Variants in COL5A2 observed in about 807,000 individuals in gnomAD.
The protein encoded by COL5A2 is collagen type V alpha 2 chain.
COL5A2 carries 23 observed loss-of-function variants against 208.2 expected under a neutral mutation model. That is an observed-to-expected ratio of 0.11 (90% confidence interval 0.08 to 0.16). COL5A2 has a LOEUF of 0.16. Among genes scored for constraint, COL5A2 ranks in the 10% least tolerant of loss-of-function variants. The pLI is 1.00. For synonymous variants in COL5A2, 625 were observed against 628.5 expected, an observed-to-expected ratio of 0.99 and a Z score of 0.08; for missense variants, 1,590 against 1,956.4, an observed-to-expected ratio of 0.81 and a Z score of 3.53.
intron 18 of COL5A2, among the ~76,000 whole-genome samples, chr2:189,070,277 AT>A (rs1352248352): frequency 1.3e-5 from 2 of 152,186 alleles, no homozygotes; most frequent in Non-Finnish European, 2.9e-5. Flanking sequence ...GAAAACTAAA[AT>A]TCTAAGCCTT....
At chr2:189,057,552 T>C in intron 33 of COL5A2, 125 bp from the exon 34 acceptor site, 2 of 724,550 alleles carry the variant, frequency 2.8e-6, no homozygotes, top group Admixed American at 2.2e-5. Flanking sequence ...GCTTATATTT[T>C]TCATCTGAGA....
At chr2:189,157,133 T>TATAGATATATATAGATATATCG (rs1248443342) in intron 1 of COL5A2, among the ~76,000 whole-genome samples, 2 of 82,840 alleles carry the variant, frequency 2.4e-5, no homozygotes, top group African/African-American at 3.7e-5. Flanking sequence ...TCTATCTATA[T>TATAGATATATATAGATATATCG]ATATATCTAT....
intron 1 of COL5A2, among the ~76,000 whole-genome samples, chr2:189,114,641 A>G (rs954077679): frequency 6.6e-6 from 1 of 151,218 alleles, no homozygotes; most frequent in African/African-American, 2.4e-5. Context: ...TAAAAAAAAA[A>G]AAAAAAAATG....
At chr2:189,047,220 T>A (rs1175455069) in intron 45 of COL5A2, among the ~76,000 whole-genome samples, 1 of 152,216 alleles carries the variant, frequency 6.6e-6, no homozygotes, top group Non-Finnish European at 1.5e-5. Context: ...AAAAGGGCGA[T>A]GGCAACTTAA....
intron 1 of COL5A2, among the ~76,000 whole-genome samples, chr2:189,221,452 T>C (rs540330167): frequency 5.9e-5 from 9 of 152,266 alleles, no homozygotes; most frequent in African/African-American, 2.2e-4. Flanking sequence ...ATTAAGGTCT[T>C]ATCATTCACT....
chr2:189,043,096 G>T, intron 48 of COL5A2, 55 bp downstream of exon 48: 1 of 1,258,926 alleles, frequency 7.9e-7, no homozygotes, highest in Non-Finnish European at 1.2e-6. Flanking sequence ...TTCGTGTCAA[G>T]ATACCCGTGT....
In COL5A2 at chr2:189,075,985, CT is replaced by C. The variant is rs986968026; in HGVS notation, c.1060-549del. Reference sequence around the variant, plus strand: ...GAATTAGCTCTCTCAAGACTGTGCTCTTTCCTTGGTCAATGCAGGGATACAA... The same window carrying C: ...GAATTAGCTCTCTCAAGACTGTGCTCTTCCTTGGTCAATGCAGGGATACAA... On this transcript the variant is annotated intron_variant, in intron 16 of 53. Transcript: ENST00000374866. Among the ~76,000 whole-genome samples the C allele has an allele frequency of 4.6e-5, 7 of 152,232 alleles. No homozygotes were observed. The East Asian group carries it at 5.8e-4, about 13-fold the overall frequency.
intron 1 of COL5A2, among the ~76,000 whole-genome samples, chr2:189,167,027 G>A (rs939931589): frequency 2.0e-5 from 3 of 152,164 alleles, no homozygotes; most frequent in Non-Finnish European, 4.4e-5. Flanking sequence ...CACTGGAAAG[G>A]CAAGGATGGC....
chr2:189,426,162 T>C, the COL5A2 span, among the ~76,000 whole-genome samples: 9 of 152,180 alleles, frequency 5.9e-5, no homozygotes, highest in Admixed American at 5.9e-4. Context: ...TGGAACTTCC[T>C]AGAGACTTGA....
intron 1 of COL5A2, among the ~76,000 whole-genome samples, chr2:189,216,085 GT>G (rs1689274842): frequency 6.6e-6 from 1 of 152,040 alleles, no homozygotes; most frequent in Admixed American, 6.6e-5. Context: ...TAAAATAGTG[GT>G]TTCAATTATG....
the COL5A2 span, among the ~76,000 whole-genome samples, chr2:189,407,513 G>A: frequency 6.6e-6 from 1 of 152,040 alleles, no homozygotes; most frequent in African/African-American, 2.4e-5. Flanking sequence ...ACATTATTTG[G>A]CTTTGTTTTA....
the COL5A2 span, among the ~76,000 whole-genome samples, chr2:189,321,401 T>C: frequency 6.6e-6 from 1 of 152,206 alleles, no homozygotes; most frequent in Non-Finnish European, 1.5e-5. Flanking sequence ...GACCCATCAG[T>C]GTGCTGTATT....
chr2:189,363,580 T>C, the COL5A2 span, among the ~76,000 whole-genome samples: 1 of 152,158 alleles, frequency 6.6e-6, no homozygotes, highest in African/African-American at 2.4e-5. Context: ...TTCAACATTA[T>C]TACTTACGGA....
chr2:189,176,057 C>G (rs1405729352), intron 1 of COL5A2, among the ~76,000 whole-genome samples: 1 of 152,102 alleles, frequency 6.6e-6, no homozygotes, highest in Non-Finnish European at 1.5e-5. Flanking sequence ...CCAAATACTA[C>G]TGAGTGTTAA....
the COL5A2 span, among the ~76,000 whole-genome samples, chr2:189,421,427 T>C: frequency 0.026 from 3,957 of 152,202 alleles, 79 homozygotes; most frequent in Non-Finnish European, 0.043. Flanking sequence ...ATAATAATAA[T>C]AAGAAAAGAC....
chr2:189,191,307 G>T (rs540821428), intron 1 of COL5A2, among the ~76,000 whole-genome samples: 22 of 152,140 alleles, frequency 1.4e-4, no homozygotes, highest in African/African-American at 5.1e-4. Context: ...TGAATTTACA[G>T]TAAAGGAGGT....
At chr2:189,370,403 CTCA>C in the COL5A2 span, among the ~76,000 whole-genome samples, 1 of 152,032 alleles carries the variant, frequency 6.6e-6, no homozygotes, top group Non-Finnish European at 1.5e-5. Context: ...TATTTCTCTC[CTCA>C]TCATCACATT....
chr2:189,289,544 C>A, the COL5A2 span, among the ~76,000 whole-genome samples: 1 of 151,768 alleles, frequency 6.6e-6, no homozygotes, highest in South Asian at 2.1e-4. Context: ...GAGCATTAGT[C>A]AAGAAAAAAA....
chr2:189,062,401 C>G (rs1046649142), intron 29 of COL5A2, among the ~76,000 whole-genome samples: 3 of 152,016 alleles, frequency 2.0e-5, no homozygotes, highest in African/African-American at 7.2e-5. Context: ...CCAGGCTGGT[C>G]TTGAACTCCT....
Sources: allele counts gnomAD v4.1 joint callset (sites outside exome capture counted in the v4.1 genomes callset), GRCh38; gene constraint gnomAD v4.1.1; transcripts MANE v1.5; gene names NCBI Gene and HGNC (gene_info 2026-07-23, HGNC 2026-07-21).